CAMK2D: variants seen among roughly 807,000 people sequenced by gnomAD.
CAMK2D encodes the protein calcium/calmodulin-dependent protein kinase type II subunit delta.
Under a neutral mutation model 84.0 loss-of-function variants are expected in CAMK2D, and 37 were observed. The observed-to-expected ratio is 0.44, with a 90% CI of 0.34 to 0.58. The LOEUF is 0.58. Among genes scored for constraint, CAMK2D ranks in the 20% least tolerant of loss-of-function variants. CAMK2D has a pLI of 0.02. For synonymous variants in CAMK2D, 202 were observed against 212.5 expected, an observed-to-expected ratio of 0.95 and a Z score of 0.43; for missense variants, 448 against 652.5, an observed-to-expected ratio of 0.69 and a Z score of 3.41.
At chr4:113,546,598 GA>G (rs1485493533) in intron 6 of CAMK2D, among the ~76,000 whole-genome samples, 3 of 152,232 alleles carry the variant, frequency 2.0e-5, no homozygotes, top group Admixed American at 1.3e-4. Context: ...TTTATAACCA[GA>G]AAAGTCTGCA....
chr4:113,692,287 AAT>A (rs2099389176), intron 2 of CAMK2D, among the ~76,000 whole-genome samples: 1 of 152,144 alleles, frequency 6.6e-6, no homozygotes, highest in South Asian at 2.1e-4. Flanking sequence ...AAGTAACATC[AAT>A]TTGATATCGT....
chr4:113,745,626 GTAGATATAGGCTGTCACAT>G (rs1309538482), intron 2 of CAMK2D, among the ~76,000 whole-genome samples: 3 of 152,106 alleles, frequency 2.0e-5, no homozygotes, highest in Non-Finnish European at 2.9e-5. Flanking sequence ...CTCATTAATA[GTAGATATAGGCTGTCACAT>G]TCCTCAATAT....
Position 113,494,361 on chromosome 4 carries a change from G to C in CAMK2D, c.1135+6102C>G, listed in dbSNP as rs541842427. Among the ~76,000 whole-genome samples the C allele has an allele frequency of 2.5e-4, 38 of 152,258 alleles. 1 individual carries two copies. In the South Asian group the frequency reaches 4.1e-3, roughly 17 times the overall value. ...GTTTGTTAGTTTTCCTTCTAACAGA[G>C]AGGACCCTCAGCTGCAGGTCTGTTG... On this transcript the variant is annotated intron_variant, in intron 16 of 20. Transcript: ENST00000511664.
At chr4:113,618,925 A>T (rs1413726038) in intron 3 of CAMK2D, among the ~76,000 whole-genome samples, 4 of 152,300 alleles carry the variant, frequency 2.6e-5, no homozygotes, top group Non-Finnish European at 5.9e-5. Context: ...AGCCTAGGTC[A>T]ATGATGTTTC....
At chr4:113,588,158 G>C (rs183961979) in intron 4 of CAMK2D, among the ~76,000 whole-genome samples, 4 of 151,956 alleles carry the variant, frequency 2.6e-5, no homozygotes, top group African/African-American at 9.6e-5. Flanking sequence ...TTTCAGTCTT[G>C]GCACCTTGTG....
chr4:113,451,126 C>G lies in CAMK2D; in HGVS notation c.*3419G>C, dbSNP rs2097255026. ...AATTATAATTTTTTACATAAAAATT[C>G]AAAATTTGGGTGAAGATTAATATTC... On this transcript the variant is annotated 3_prime_UTR_variant, in exon 21 of 21. Coordinates refer to ENST00000511664, the MANE Select transcript of CAMK2D (RefSeq NM_001321571.2). 1 of 152,126 alleles carries G rather than the reference C, an allele frequency of 6.6e-6. No homozygotes were observed. The highest frequency in any genetic ancestry group is 2.4e-5 in the African/African-American group (1 of 41,426). 9.4% of individuals were successfully genotyped at this position (152,126 alleles called of 1,614,324 possible). A position where few individuals can be genotyped will look rare whatever the true frequency, so the allele number is the denominator to read the frequency against.
rs1433973649 is a variant in CAMK2D at position 113,586,535 on chromosome 4, C to T, written c.275+22617G>A. 3.3e-5 allele frequency among the ~76,000 whole-genome samples: 5 copies of T among 152,236 alleles called. No homozygotes were observed. The South Asian group carries it at 1.0e-3, about 32-fold the overall frequency. On this transcript the variant is annotated intron_variant, in intron 4 of 20. Transcript: ENST00000511664. ...CATGTTATTGTCAACCACTTTTCAG[C>T]AAAACACCCCCAAATCAATCCATGT...
chr4:113,454,761 TAAAG>T (rs1341093466), intron 20 of CAMK2D, among the ~76,000 whole-genome samples: 2 of 152,166 alleles, frequency 1.3e-5, no homozygotes, highest in Admixed American at 1.3e-4. Flanking sequence ...AAGCTAAAAA[TAAAG>T]AGACAGAGAC....
At chr4:113,759,250 C>A in intron 2 of CAMK2D, 70 bp downstream of exon 2, 1 of 881,370 alleles carries the variant, frequency 1.1e-6, no homozygotes, top group Admixed American at 2.0e-5. Flanking sequence ...GATATATTTA[C>A]ATACAACAGA....
rs893060363 is a variant in CAMK2D, at chr4:113,726,356, T to A, written c.160+32964A>T. ...ACTTTCTGACTGCCTCCACATAAGA[T>A]TGCTTGTTTTGCTTGGGCTTTTTTT... On this transcript the variant is annotated intron_variant, in intron 2 of 20. Coordinates refer to ENST00000511664, the MANE Select transcript of CAMK2D (RefSeq NM_001321571.2). Among the ~76,000 whole-genome samples, 6 of 150,682 alleles carry A rather than the reference T, an allele frequency of 4.0e-5. No homozygotes were observed. In the East Asian group the frequency reaches 1.2e-3, roughly 29 times the overall value.
intron 16 of CAMK2D, among the ~76,000 whole-genome samples, chr4:113,476,602 G>A (rs1403929027): frequency 6.6e-6 from 1 of 152,024 alleles, no homozygotes; most frequent in Non-Finnish European, 1.5e-5. Context: ...CTAATAAAAG[G>A]CCACAAGGTT....
At chr4:113,724,992 C>T (rs111434524) in intron 2 of CAMK2D, among the ~76,000 whole-genome samples, 1 of 151,884 alleles carries the variant, frequency 6.6e-6, no homozygotes, top group Admixed American at 6.6e-5. Context: ...TACTTTATCT[C>T]GCATTTAGCT....
At chr4:113,516,762 A>G (rs1448279604) in intron 9 of CAMK2D, among the ~76,000 whole-genome samples, 1 of 152,028 alleles carries the variant, frequency 6.6e-6, no homozygotes, top group African/African-American at 2.4e-5. Context: ...CAATATTGCT[A>G]CTCTGTAGTT....
At chr4:113,603,038 T>A (rs1395250582) in intron 4 of CAMK2D, among the ~76,000 whole-genome samples, 1 of 152,170 alleles carries the variant, frequency 6.6e-6, no homozygotes, top group Non-Finnish European at 1.5e-5. Flanking sequence ...CTAGCTCCAC[T>A]TCTCTTATCT....
At chr4:113,505,139 G>T in intron 13 of CAMK2D, 104 bp from the exon 14 acceptor site, 1 of 540,736 alleles carries the variant, frequency 1.8e-6, no homozygotes, top group Non-Finnish European at 3.1e-6. Context: ...TGAAGATAAA[G>T]AGCCACTGAA....
chr4:113,521,744 A>C (rs2098362286), intron 8 of CAMK2D, among the ~76,000 whole-genome samples: 1 of 151,466 alleles, frequency 6.6e-6, no homozygotes, highest in African/African-American at 2.4e-5. Flanking sequence ...AACTAATATT[A>C]CTGTCATATT....
chr4:113,582,526 C>T (rs1202952112), intron 4 of CAMK2D, among the ~76,000 whole-genome samples: 2 of 152,112 alleles, frequency 1.3e-5, no homozygotes, highest in East Asian at 3.9e-4. Flanking sequence ...GAAAAATGTA[C>T]ACCTTAAGTA....
intron 16 of CAMK2D, among the ~76,000 whole-genome samples, chr4:113,467,793 G>A (rs1564441506): frequency 6.6e-6 from 1 of 152,078 alleles, no homozygotes; most frequent in Non-Finnish European, 1.5e-5. Context: ...ATCTGTCTGT[G>A]CCCTCAACAG....
At chr4:113,661,122 T>G (rs1292664160) in intron 3 of CAMK2D, among the ~76,000 whole-genome samples, 1 of 152,184 alleles carries the variant, frequency 6.6e-6, no homozygotes, top group Non-Finnish European at 1.5e-5. Flanking sequence ...TAAAGACACA[T>G]AAAAGCACTA....
Sources: gnomAD v4.1 joint callset for allele counts (sites outside exome capture counted in the v4.1 genomes callset) on GRCh38, gnomAD v4.1.1 for gene constraint, MANE v1.5 for transcripts, NCBI Gene and HGNC (gene_info 2026-07-23, HGNC 2026-07-21) for gene names.